The following RABGAP1L variants were observed in gnomAD, a reference collection of about 807,000 sequenced individuals.
RABGAP1L encodes the protein RAB GTPase activating protein 1 like.
A neutral mutation model predicts 137.7 loss-of-function variants in RABGAP1L; 63 were observed. The observed-to-expected ratio is 0.46, with a 90% CI of 0.37 to 0.56. RABGAP1L has a LOEUF of 0.56. Among genes scored for constraint, RABGAP1L ranks in the 20% least tolerant of loss-of-function variants. The probability of loss-of-function intolerance (pLI) is 0.00; values close to 1 mark genes in which losing one functional copy is unlikely to be tolerated. For missense variants in RABGAP1L, 1,095 were observed against 1,244.0 expected, an observed-to-expected ratio of 0.88 and a Z score of 1.80; for synonymous variants, 431 against 433.7, an observed-to-expected ratio of 0.99 and a Z score of 0.08.
At chr1:174,772,982 T>A (rs1686241811) in intron 18 of RABGAP1L, among the ~76,000 whole-genome samples, 1 of 152,234 alleles carries the variant, frequency 6.6e-6, no homozygotes, top group Non-Finnish European at 1.5e-5. Flanking sequence ...ATTCTATTAC[T>A]GTTAATACTG....
chr1:174,199,315 A>G (rs1371864246), intron 1 of RABGAP1L, among the ~76,000 whole-genome samples: 1 of 151,886 alleles, frequency 6.6e-6, no homozygotes, highest in Non-Finnish European at 1.5e-5. Context: ...TTTTTAAGAC[A>G]GGGTCTCGCT....
At chr1:174,450,646 A>G (rs1249788708) in intron 13 of RABGAP1L, among the ~76,000 whole-genome samples, 2 of 152,246 alleles carry the variant, frequency 1.3e-5, no homozygotes, top group South Asian at 2.1e-4. Context: ...TGCCTGCTAC[A>G]TGGGGTTGTG....
chr1:174,758,330 C>T (rs1384357009), intron 18 of RABGAP1L, among the ~76,000 whole-genome samples: 1 of 152,016 alleles, frequency 6.6e-6, no homozygotes, highest in Non-Finnish European at 1.5e-5. Context: ...CTACAGATCT[C>T]CAGCCTCTAG....
At chr1:174,955,717 A>G (rs1465920546) in intron 19 of RABGAP1L, among the ~76,000 whole-genome samples, 2 of 152,232 alleles carry the variant, frequency 1.3e-5, no homozygotes, top group African/African-American at 4.8e-5. Flanking sequence ...CAGAGTACGC[A>G]AGAAGTTTGC....
chr1:174,659,124 C>G (rs1296941125), intron 14 of RABGAP1L, among the ~76,000 whole-genome samples: 1 of 151,830 alleles, frequency 6.6e-6, no homozygotes, highest in East Asian at 1.9e-4. Flanking sequence ...TCATTACTGC[C>G]ATTTAGTCAG....
At chr1:174,511,710 C>T (rs1662361833) in intron 13 of RABGAP1L, among the ~76,000 whole-genome samples, 1 of 151,824 alleles carries the variant, frequency 6.6e-6, no homozygotes, top group East Asian at 1.9e-4. Context: ...ACAACCTCCG[C>T]CTCCCAGGTT....
chr1:174,779,015 A>T (rs1022999236), intron 18 of RABGAP1L, among the ~76,000 whole-genome samples: 3 of 152,212 alleles, frequency 2.0e-5, no homozygotes, highest in Non-Finnish European at 4.4e-5. Flanking sequence ...TAGTGATTCT[A>T]TATAAAATCT....
chr1:174,196,215 C>A (rs1667676204), intron 1 of RABGAP1L, among the ~76,000 whole-genome samples: 2 of 148,930 alleles, frequency 1.3e-5, no homozygotes, highest in African/African-American at 2.5e-5. Context: ...ATTTGTACTT[C>A]TTTCTTTCTT....
At chr1:174,780,127 GC>G (rs1324919684) in intron 18 of RABGAP1L, among the ~76,000 whole-genome samples, 2 of 150,184 alleles carry the variant, frequency 1.3e-5, no homozygotes, top group African/African-American at 2.5e-5. Context: ...AATTAAATAA[GC>G]CCTAATTAAA....
chr1:174,479,892 C>G (rs779487564), intron 13 of RABGAP1L, among the ~76,000 whole-genome samples: 4 of 152,118 alleles, frequency 2.6e-5, no homozygotes, highest in Non-Finnish European at 5.9e-5. Flanking sequence ...TATTTACTCT[C>G]TCTCTCTCAG....
intron 18 of RABGAP1L, among the ~76,000 whole-genome samples, chr1:174,796,253 C>A (rs1688234120): frequency 6.6e-6 from 1 of 152,036 alleles, no homozygotes; most frequent in Admixed American, 6.6e-5. Context: ...TCCCTTGAGC[C>A]CAGGAGTTCA....
chr1:174,571,949 T>C (rs1251255150), intron 13 of RABGAP1L, among the ~76,000 whole-genome samples: 1 of 152,220 alleles, frequency 6.6e-6, no homozygotes, highest in Admixed American at 6.5e-5. Flanking sequence ...CCTAAATCTT[T>C]CTTTAGGAAC....
intron 13 of RABGAP1L, among the ~76,000 whole-genome samples, chr1:174,606,461 A>G (rs548340588): frequency 6.6e-6 from 1 of 152,318 alleles, no homozygotes; most frequent in East Asian, 1.9e-4. Context: ...CATTATGCCA[A>G]TTTTAAAGCT....
intron 18 of RABGAP1L, among the ~76,000 whole-genome samples, chr1:174,801,202 A>C (rs1688733008): frequency 6.6e-6 from 1 of 152,202 alleles, no homozygotes; most frequent in Non-Finnish European, 1.5e-5. Flanking sequence ...TATACCTAGC[A>C]ACTATTCTAT....
At chr1:174,757,876 C>T (rs1006670491) in intron 18 of RABGAP1L, among the ~76,000 whole-genome samples, 1 of 151,880 alleles carries the variant, frequency 6.6e-6, no homozygotes, top group African/African-American at 2.4e-5. Flanking sequence ...ATACAAAAAA[C>T]GCCAGGCGTG....
At chr1:174,209,171 T>C (rs775011397) in intron 1 of RABGAP1L, among the ~76,000 whole-genome samples, 1 of 152,184 alleles carries the variant, frequency 6.6e-6, no homozygotes, top group Non-Finnish European at 1.5e-5. Context: ...GCTCAGGCAA[T>C]AATAATACTC....
chr1:174,233,067 C>T (rs1670821231), intron 4 of RABGAP1L, among the ~76,000 whole-genome samples: 1 of 152,118 alleles, frequency 6.6e-6, no homozygotes, highest in Non-Finnish European at 1.5e-5. Context: ...CTTCCTGGTT[C>T]ATGTGTTCTT....
chr1:174,501,579 T>C lies in RABGAP1L; in HGVS notation c.1710+107434T>C, dbSNP rs539083330. 1.8e-4 allele frequency among the ~76,000 whole-genome samples: 27 copies of C among 152,316 alleles called. No homozygotes were observed. The South Asian group carries it at 4.4e-3, about 25-fold the overall frequency. On this transcript the variant is annotated intron_variant, in intron 13 of 25. Coordinates refer to ENST00000681986, the MANE Select transcript of RABGAP1L (RefSeq NM_001366446.1). ...TCACTGATGGGCATTTAAGGCATTG[T>C]GAGAAGATTTAGTTGTTCAGTGACA...
At chr1:174,904,476 G>T (rs1658697656) in intron 19 of RABGAP1L, among the ~76,000 whole-genome samples, 1 of 152,144 alleles carries the variant, frequency 6.6e-6, no homozygotes, top group Non-Finnish European at 1.5e-5. Flanking sequence ...CATCATGACT[G>T]CCTAAAGGGA....
Sources: allele counts gnomAD v4.1 joint callset (sites outside exome capture counted in the v4.1 genomes callset), GRCh38; gene constraint gnomAD v4.1.1; transcripts MANE v1.5; gene names NCBI Gene and HGNC (gene_info 2026-07-23, HGNC 2026-07-21).